The following CLVS1 variants were observed in gnomAD, a reference collection of about 807,000 sequenced individuals.
CLVS1 encodes the protein clavesin 1.
Under a neutral mutation model 33.1 loss-of-function variants are expected in CLVS1, and 10 were observed. The observed-to-expected ratio is 0.30, with a 90% CI of 0.19 to 0.51. The LOEUF (loss-of-function observed/expected upper bound fraction) is 0.51, where lower values mean the gene tolerates loss of function less well. CLVS1 is among the 20% of genes least tolerant of loss of function. CLVS1 has a pLI of 0.97. For missense variants in CLVS1, 343 were observed against 433.4 expected (o/e 0.79, Z 1.85); for synonymous variants, 163 against 166.1 (o/e 0.98, Z 0.14).
intron 2 of CLVS1, among the ~76,000 whole-genome samples, chr8:61,141,694 G>A (rs184391773): frequency 6.6e-6 from 1 of 152,260 alleles, no homozygotes; most frequent in African/African-American, 2.4e-5. Context: ...ATTAACTTTT[G>A]TACAGAATAT....
At chr8:61,288,304 C>A (rs529440088) in intron 1 of CLVS1, 166 bp downstream of exon 1, 1 of 455,572 alleles carries the variant, frequency 2.2e-6, no homozygotes, top group Non-Finnish European at 4.4e-6. Context: ...CGCTCCCCGC[C>A]GCCTCCGCGG....
At chr8:61,393,268 A>G (rs1283968510) in intron 3 of CLVS1, among the ~76,000 whole-genome samples, 1 of 152,032 alleles carries the variant, frequency 6.6e-6, no homozygotes, top group Non-Finnish European at 1.5e-5. Context: ...TCTTTTCTTT[A>G]TTATATATAT....
At chr8:61,001,054 T>C in the CLVS1 span, among the ~76,000 whole-genome samples, 1 of 152,204 alleles carries the variant, frequency 6.6e-6, no homozygotes, top group Admixed American at 6.5e-5. Context: ...TTATTATCAT[T>C]ATTATTTTAG....
chr8:61,250,375 G>A (rs1273472322), intron 2 of CLVS1, among the ~76,000 whole-genome samples: 1 of 152,040 alleles, frequency 6.6e-6, no homozygotes, highest in Non-Finnish European at 1.5e-5. Flanking sequence ...TTGTTCTTTT[G>A]GCTTAGGATT....
intron 2 of CLVS1, among the ~76,000 whole-genome samples, chr8:61,241,330 TTAGA>T (rs1243853535): frequency 6.6e-6 from 1 of 152,176 alleles, no homozygotes; most frequent in African/African-American, 2.4e-5. Context: ...ACGAGATGAA[TTAGA>T]TAGATTTTCA....
chr8:61,102,248 AT>A (rs1805463748), intron 1 of CLVS1, among the ~76,000 whole-genome samples: 1 of 152,194 alleles, frequency 6.6e-6, no homozygotes, highest in Admixed American at 6.5e-5. Context: ...ATGTCTTTTC[AT>A]TTATTTAGTT....
At chr8:61,267,479 T>C (rs755257180) in intron 2 of CLVS1, among the ~76,000 whole-genome samples, 1 of 152,194 alleles carries the variant, frequency 6.6e-6, no homozygotes, top group Non-Finnish European at 1.5e-5. Context: ...GTTTTCTTTG[T>C]TTTATATCAG....
intron 2 of CLVS1, among the ~76,000 whole-genome samples, chr8:61,135,287 TC>T (rs1388264061): frequency 1.3e-5 from 2 of 152,022 alleles, no homozygotes; most frequent in African/African-American, 4.8e-5. Flanking sequence ...CTCGTCCCCT[TC>T]CAAGCCCCTG....
chr8:61,251,542 C>G (rs931366732), intron 2 of CLVS1, among the ~76,000 whole-genome samples: 3 of 152,126 alleles, frequency 2.0e-5, no homozygotes, highest in African/African-American at 7.2e-5. Context: ...CTGTCTGGTC[C>G]TGGGCTTTTT....
chr8:61,349,382 G>A (rs1332827629), intron 2 of CLVS1, among the ~76,000 whole-genome samples: 1 of 152,008 alleles, frequency 6.6e-6, no homozygotes, highest in Non-Finnish European at 1.5e-5. Context: ...AAGCTATCAG[G>A]ATATAAAACC....
intron 2 of CLVS1, among the ~76,000 whole-genome samples, chr8:61,176,934 T>G (rs892220902): frequency 6.6e-6 from 1 of 152,222 alleles, no homozygotes; most frequent in African/African-American, 2.4e-5. Context: ...TGCCTAAGTC[T>G]GCTGAGTTCC....
chr8:61,132,555 G>T (rs76151015), intron 2 of CLVS1, among the ~76,000 whole-genome samples: 4,098 of 152,292 alleles, frequency 0.027, 189 homozygotes, highest in African/African-American at 0.093. Context: ...GAGAATCCCT[G>T]TCTTTTGTCC....
intron 2 of CLVS1, among the ~76,000 whole-genome samples, chr8:61,157,367 T>C (rs955248072): frequency 6.6e-6 from 1 of 152,186 alleles, no homozygotes; most frequent in African/African-American, 2.4e-5. Flanking sequence ...GTTTGACTTA[T>C]CTAGCCATAC....
chr8:61,052,362 G>A (rs1419470990), upstream of CLVS1, among the ~76,000 whole-genome samples: 1 of 152,156 alleles, frequency 6.6e-6, no homozygotes, highest in Non-Finnish European at 1.5e-5. Flanking sequence ...TACCCACTAG[G>A]ATGGGAAAAA....
upstream of CLVS1, among the ~76,000 whole-genome samples, chr8:61,053,183 G>T (rs765289496): frequency 6.6e-6 from 1 of 152,210 alleles, no homozygotes; most frequent in Non-Finnish European, 1.5e-5. Context: ...AAATGGAGGG[G>T]TGGAGTCTGC....
Position 61,500,648 on chromosome 8 carries a change from A to C in CLVS1, c.*1106A>C, listed in dbSNP as rs895161454. 6.6e-6 allele frequency: 1 copy of C among 151,270 alleles called. No homozygotes were observed. The highest frequency in any genetic ancestry group is 2.4e-5 in the African/African-American group (1 of 40,880). The allele number at this position is 151,270 out of a possible 1,614,324, so 9.4% of individuals were successfully genotyped here. A position where few individuals can be genotyped will look rare whatever the true frequency, so the allele number is the denominator to read the frequency against. On this transcript the variant is annotated 3_prime_UTR_variant, in exon 6 of 6. Transcript: ENST00000325897. Reference sequence around the variant, plus strand: ...AAGAAATCAGACATAAAATAAACAGACATCATATATGATATCCTTACTTGT... The same window carrying C: ...AAGAAATCAGACATAAAATAAACAGCCATCATATATGATATCCTTACTTGT...
chr8:61,151,189 A>C (rs1489453821), intron 2 of CLVS1, among the ~76,000 whole-genome samples: 1 of 152,244 alleles, frequency 6.6e-6, no homozygotes, highest in Non-Finnish European at 1.5e-5. Flanking sequence ...CTGAGATAAC[A>C]GTTTAGCAGC....
At chr8:61,416,632 T>C (rs1815448929) in intron 3 of CLVS1, among the ~76,000 whole-genome samples, 1 of 152,168 alleles carries the variant, frequency 6.6e-6, no homozygotes, top group African/African-American at 2.4e-5. Context: ...GGAACAAACC[T>C]TCACTGACCC....
chr8:61,315,129 C>A (rs1810967890), intron 2 of CLVS1, among the ~76,000 whole-genome samples: 1 of 152,136 alleles, frequency 6.6e-6, no homozygotes, highest in African/African-American at 2.4e-5. Flanking sequence ...TGTACTATGT[C>A]CGTCTCTGAT....
Sources: allele counts gnomAD v4.1 joint callset (sites outside exome capture counted in the v4.1 genomes callset), GRCh38; gene constraint gnomAD v4.1.1; transcripts MANE v1.5; gene names NCBI Gene and HGNC (gene_info 2026-07-23, HGNC 2026-07-21).